Variants in GLB1 observed in about 807,000 individuals in gnomAD.
GLB1 encodes the protein beta-galactosidase.
A neutral mutation model predicts 74.0 loss-of-function variants in GLB1; 56 were observed. The ratio of observed to expected loss-of-function variants is 0.76; its 90% CI spans 0.61 to 0.94. The LOEUF is 0.94. GLB1 is among the 40% of genes least tolerant of loss of function. GLB1 has a pLI of 0.00. For missense variants in GLB1, 787 were observed against 845.5 expected, an observed-to-expected ratio of 0.93 and a Z score of 0.86; for synonymous variants, 323 against 323.6, an observed-to-expected ratio of 1.00 and a Z score of 0.02.
rs1394794213 is a variant in GLB1, at chr3:33,068,254, T to G, written c.433A>C (p.Ile145Leu). The part of the protein sequence containing the change: ...LPAWLLEKES[I>L]LLRSSDPDYL... ...CCTGGGTCGGAGGAGCGGAGAAGAA[T>G]AGACTCTTTCTCTAGCAGCCAAGCA... is the stretch of plus-strand genomic sequence containing the variant. Residue 145 changes from isoleucine (I) to leucine (L), a missense_variant, in exon 4 of 16, where the codon ATT (isoleucine) becomes CTT (leucine). Coordinates refer to ENST00000307363, the MANE Select transcript of GLB1 (RefSeq NM_000404.4). The G allele has an allele frequency of 1.9e-6, 3 of 1,614,020 alleles. No individual in the cohort carries two copies. The highest frequency in any genetic ancestry group is 1.1e-5 in the South Asian group (1 of 91,068).
At chr3:33,053,218 C>T (rs147245324) in intron 7 of GLB1, among the ~76,000 whole-genome samples, 1 of 152,162 alleles carries the variant, frequency 6.6e-6, no homozygotes, top group Non-Finnish European at 1.5e-5. Context: ...CCCTGAGGAC[C>T]AGATGAGACC....
downstream of GLB1, among the ~76,000 whole-genome samples, chr3:32,992,340 G>C (rs1183432529): frequency 6.6e-6 from 1 of 152,182 alleles, no homozygotes; most frequent in African/African-American, 2.4e-5. Flanking sequence ...TTGTTGAACT[G>C]AACACAAAGG....
chr3:33,032,857 A>G (rs1575430622), intron 10 of GLB1, among the ~76,000 whole-genome samples: 2 of 152,332 alleles, frequency 1.3e-5, no homozygotes, highest in African/African-American at 2.4e-5. Context: ...TCATAGTGTC[A>G]TATGTTTTTG....
At chr3:33,054,277 G>A (rs1416339174) in intron 6 of GLB1, among the ~76,000 whole-genome samples, 4 of 152,096 alleles carry the variant, frequency 2.6e-5, no homozygotes, top group African/African-American at 9.7e-5. Context: ...ACTAAGACAG[G>A]CCCCTTTCCC....
intron 10 of GLB1, chr3:33,045,842 T>C (rs1032233892): frequency 1.2e-5 from 12 of 1,020,926 alleles, no homozygotes; most frequent in East Asian, 5.5e-5. Context: ...ATTCTCACCA[T>C]ATAAGAAGTG....
intron 10 of GLB1, chr3:33,034,857 C>A: frequency 1.9e-6 from 1 of 529,094 alleles, no homozygotes; most frequent in South Asian, 1.5e-5. Context: ...ACTGACTGAT[C>A]ATCTAATCTG....
intron 11 of GLB1, among the ~76,000 whole-genome samples, chr3:33,023,420 A>G (rs1189489559): frequency 6.6e-6 from 1 of 152,226 alleles, no homozygotes; most frequent in Admixed American, 6.5e-5. Flanking sequence ...AAATGTTATA[A>G]GAACTCAACC....
At chr3:33,054,111 G>A (rs1699119043) in intron 6 of GLB1, among the ~76,000 whole-genome samples, 1 of 152,116 alleles carries the variant, frequency 6.6e-6, no homozygotes, top group Non-Finnish European at 1.5e-5. Context: ...AAGAAGGCAC[G>A]GCACCATTTT....
chr3:33,049,835 T>C (rs944016065), intron 9 of GLB1, among the ~76,000 whole-genome samples: 2 of 152,166 alleles, frequency 1.3e-5, no homozygotes, highest in African/African-American at 2.4e-5. Flanking sequence ...ACATTTGAGT[T>C]TTGCAATATC....
chr3:33,090,168 T>G (rs947780799), intron 1 of GLB1, among the ~76,000 whole-genome samples: 1 of 152,230 alleles, frequency 6.6e-6, no homozygotes, highest in African/African-American at 2.4e-5. Flanking sequence ...TCATTGGATA[T>G]GATAATGACA....
chr3:33,056,380 T>C (rs1435498111), intron 6 of GLB1, among the ~76,000 whole-genome samples: 1 of 151,854 alleles, frequency 6.6e-6, no homozygotes, highest in Non-Finnish European at 1.5e-5. Context: ...AGGGTCTTTA[T>C]GCTACTCAAG....
rs75423507 is a variant in GLB1 at position 33,032,769 on chromosome 3, C to T, written c.1069-8444G>A. On this transcript the variant is annotated intron_variant, in intron 10 of 15. Coordinates refer to ENST00000307363, the MANE Select transcript of GLB1 (RefSeq NM_000404.4). The stretch of plus-strand genomic sequence containing the variant: ...TTCTTCCTCTCCACTCCCTGATGCC[C>T]CTGCCGTCATCTCATTCCTAGGCTA... Among the ~76,000 whole-genome samples the T allele has an allele frequency of 0.023, 3,494 of 152,288 alleles. 556 individuals are homozygous for T. In the East Asian group the frequency reaches 0.42, roughly 18 times the overall value.
At chr3:33,033,079 C>A (rs566063869) in intron 10 of GLB1, among the ~76,000 whole-genome samples, 1 of 152,238 alleles carries the variant, frequency 6.6e-6, no homozygotes, top group Non-Finnish European at 1.5e-5. Flanking sequence ...TGGTTACTTC[C>A]GTGAGTAGGT....
At chr3:32,965,155 C>T in the GLB1 span, among the ~76,000 whole-genome samples, 2 of 152,084 alleles carry the variant, frequency 1.3e-5, no homozygotes, top group Non-Finnish European at 1.5e-5. Context: ...TAGTGGAGCA[C>T]TGCTGTAAAG....
intron 10 of GLB1, chr3:33,045,918 C>T: frequency 1.2e-6 from 1 of 854,196 alleles, no homozygotes; most frequent in Non-Finnish European, 1.8e-6. Context: ...CTTATATCTC[C>T]TACTCTCCTA....
chr3:33,084,868 T>A (rs1256317349), intron 1 of GLB1, among the ~76,000 whole-genome samples: 1 of 152,202 alleles, frequency 6.6e-6, no homozygotes, highest in African/African-American at 2.4e-5. Flanking sequence ...CTGCATTCAG[T>A]AGACTTCATC....
At chr3:32,969,621 C>T in the GLB1 span, among the ~76,000 whole-genome samples, 8 of 152,156 alleles carry the variant, frequency 5.3e-5, no homozygotes, top group African/African-American at 1.4e-4. Context: ...AAGCTACACT[C>T]CAAATGAAAA....
chr3:33,028,620 A>C (rs900278746), intron 10 of GLB1, among the ~76,000 whole-genome samples: 3 of 152,062 alleles, frequency 2.0e-5, no homozygotes, highest in Non-Finnish European at 4.4e-5. Flanking sequence ...GTGTATACTC[A>C]CATTTTCATC....
chr3:33,096,927 C>T (rs962792405), intron 1 of GLB1, 84 bp downstream of exon 1: 4 of 1,546,790 alleles, frequency 2.6e-6, no homozygotes, highest in Non-Finnish European at 3.5e-6. Flanking sequence ...CCTGCGGGAC[C>T]GCGGGTGGCT....
Sources: gnomAD v4.1 joint callset for allele counts (sites outside exome capture counted in the v4.1 genomes callset) on GRCh38, gnomAD v4.1.1 for gene constraint, MANE v1.5 for transcripts, NCBI Gene and HGNC (gene_info 2026-07-23, HGNC 2026-07-21) for gene names.